Variants in EYA2 observed in about 807,000 individuals in gnomAD.
EYA2 encodes protein phosphatase EYA2.
In EYA2, 31 loss-of-function variants were observed where a neutral mutation model predicts 69.2. That is an observed-to-expected ratio of 0.45 (90% CI 0.34 to 0.60). The LOEUF is 0.60. Among genes scored for constraint, EYA2 ranks in the 20% least tolerant of loss-of-function variants. The pLI is 0.02. For synonymous variants in EYA2, 257 were observed against 279.4 expected (o/e 0.92, Z 0.80); for missense variants, 622 against 701.2 (o/e 0.89, Z 1.28).
At chr20:47,171,776 T>A (rs542031858) in intron 11 of EYA2, among the ~76,000 whole-genome samples, 5 of 152,252 alleles carry the variant, frequency 3.3e-5, no homozygotes, top group South Asian at 4.2e-4. Flanking sequence ...TCTGAGTTAA[T>A]GGTGAGCGTT....
intron 9 of EYA2, among the ~76,000 whole-genome samples, chr20:47,130,256 A>ATTTTCTTT (rs2033304904): frequency 1.4e-5 from 1 of 69,782 alleles, no homozygotes; most frequent in African/African-American, 7.7e-5. Flanking sequence ...AAGAAGGTTT[A>ATTTTCTTT]TTTTCTTTTT....
chr20:47,130,873 T>C (rs746288473), intron 9 of EYA2, among the ~76,000 whole-genome samples: 4 of 152,150 alleles, frequency 2.6e-5, no homozygotes, highest in Non-Finnish European at 5.9e-5. Context: ...GCAGATCACC[T>C]GAGGTCAGGA....
At chr20:47,024,241 CTTAGAAACTG>C (rs1436155931) in intron 5 of EYA2, among the ~76,000 whole-genome samples, 1 of 152,170 alleles carries the variant, frequency 6.6e-6, no homozygotes, top group Non-Finnish European at 1.5e-5. Flanking sequence ...AGTTAGGTTA[CTTAGAAACTG>C]TTGAATGCTT....
intron 12 of EYA2, 122 bp downstream of exon 12, chr20:47,172,989 A>T: frequency 1.8e-6 from 2 of 1,088,660 alleles, no homozygotes; most frequent in Non-Finnish European, 2.6e-6. Context: ...AGCCCACTTA[A>T]TGCAACCCTG....
chr20:46,942,918 A>C (rs572356735), intron 1 of EYA2, among the ~76,000 whole-genome samples: 1 of 152,146 alleles, frequency 6.6e-6, no homozygotes, highest in Non-Finnish European at 1.5e-5. Flanking sequence ...GACACGTGCT[A>C]CCACGTCTGG....
In EYA2 at chr20:47,031,068, C is replaced by T. The variant is rs113969509; in HGVS notation, c.415+14771C>T. 3.9e-3 allele frequency among the ~76,000 whole-genome samples: 591 copies of T among 152,306 alleles called. 7 individuals are homozygous for T. The highest frequency in any genetic ancestry group is 0.013 in the African/African-American group (556 of 41,566). On this transcript the variant is annotated intron_variant, in intron 5 of 15. Coordinates refer to ENST00000327619, the MANE Select transcript of EYA2 (RefSeq NM_005244.5). ...TCTGGGGGCCACAATTCAGTTGCAA[C>T]ACGCAGTGGGTAAGGAAATGAGCAA...
chr20:47,117,575 A>G (rs2032935392), intron 9 of EYA2: 2 of 985,390 alleles, frequency 2.0e-6, no homozygotes, highest in Non-Finnish European at 2.4e-6. Context: ...GACTGTAGGG[A>G]TTCAATCAGA....
chr20:47,004,734 G>A (rs755836291), intron 3 of EYA2: 46 of 663,170 alleles, frequency 6.9e-5, no homozygotes, highest in Middle Eastern at 4.1e-4. Flanking sequence ...CCAGTCACAC[G>A]GCTGAATCTG....
intron 4 of EYA2, among the ~76,000 whole-genome samples, chr20:47,008,474 T>A (rs983059573): frequency 4.6e-5 from 7 of 152,122 alleles, no homozygotes. Context: ...CTAACTTTTT[T>A]CCCCTGCTGT....
At chr20:47,128,857 T>A (rs2033264599) in intron 9 of EYA2, among the ~76,000 whole-genome samples, 1 of 152,220 alleles carries the variant, frequency 6.6e-6, no homozygotes, top group Non-Finnish European at 1.5e-5. Flanking sequence ...GCACGGTGGC[T>A]CATGCCCATA....
At chr20:46,995,701 A>G (rs1043604288) in intron 2 of EYA2, among the ~76,000 whole-genome samples, 6 of 152,350 alleles carry the variant, frequency 3.9e-5, no homozygotes, top group East Asian at 1.9e-4. Context: ...CTGGGGTCCA[A>G]TTAGGCAACA....
In EYA2 at chr20:47,011,934, G is replaced by A. The variant is rs1208879556; in HGVS notation, c.299-4247G>A. On this transcript the variant is annotated intron_variant, in intron 4 of 15. Coordinates refer to ENST00000327619, the MANE Select transcript of EYA2 (RefSeq NM_005244.5). ...GCCGCTGAGTGTGCCAGGGAGTCAG[G>A]GAGCCAATCATGTTGTCTCTTGTGT... Among the ~76,000 whole-genome samples, 5 of 152,140 alleles carry A rather than the reference G, an allele frequency of 3.3e-5. No individual in the cohort carries two copies. The East Asian group carries it at 7.7e-4, about 23-fold the overall frequency.
chr20:46,941,259 C>T (rs1986144171), intron 1 of EYA2, among the ~76,000 whole-genome samples: 2 of 152,240 alleles, frequency 1.3e-5, no homozygotes. Flanking sequence ...GTAAAATGGG[C>T]ACAGCCCACC....
At chr20:46,984,670 T>C (rs1214233033) in intron 1 of EYA2, among the ~76,000 whole-genome samples, 1 of 152,246 alleles carries the variant, frequency 6.6e-6, no homozygotes, top group Non-Finnish European at 1.5e-5. Context: ...AAGAACAGTC[T>C]GCTAGTACTT....
At chr20:47,154,580 T>A (rs2033883946) in intron 10 of EYA2, among the ~76,000 whole-genome samples, 1 of 151,914 alleles carries the variant, frequency 6.6e-6, no homozygotes, top group Non-Finnish European at 1.5e-5. Context: ...GGGACAGTGA[T>A]GTCCGTCTGG....
At chr20:46,975,852 A>G (rs1038296755) in intron 1 of EYA2, among the ~76,000 whole-genome samples, 10 of 152,096 alleles carry the variant, frequency 6.6e-5, no homozygotes, top group African/African-American at 1.4e-4. Context: ...GAGGAAGTAG[A>G]GTAAAAGCTT....
At chr20:47,157,991 G>T (rs1014882035) in intron 10 of EYA2, among the ~76,000 whole-genome samples, 1 of 151,920 alleles carries the variant, frequency 6.6e-6, no homozygotes, top group Non-Finnish European at 1.5e-5. Flanking sequence ...GACAAATTGC[G>T]GTCGTCGCTG....
At chr20:47,138,946 T>C (rs996362161) in intron 9 of EYA2, among the ~76,000 whole-genome samples, 2 of 152,176 alleles carry the variant, frequency 1.3e-5, no homozygotes, top group African/African-American at 4.8e-5. Context: ...TAAACGGTAA[T>C]AACATACAGT....
At chr20:46,934,624 G>A (rs1233235041) in intron 1 of EYA2, among the ~76,000 whole-genome samples, 1 of 152,134 alleles carries the variant, frequency 6.6e-6, no homozygotes, top group Admixed American at 6.5e-5. Flanking sequence ...AAGAGGAGGT[G>A]GATGCTGGGC....
Sources: allele counts gnomAD v4.1 joint callset (sites outside exome capture counted in the v4.1 genomes callset), GRCh38; gene constraint gnomAD v4.1.1; transcripts MANE v1.5; gene names NCBI Gene and HGNC (gene_info 2026-07-23, HGNC 2026-07-21).